The following NTRK2 variants were observed in gnomAD, a reference collection of about 807,000 sequenced individuals.
NTRK2 encodes BDNF/NT-3 growth factors receptor.
Under a neutral mutation model 94.5 loss-of-function variants are expected in NTRK2, and 13 were observed. That is an observed-to-expected ratio of 0.14 (90% confidence interval 0.09 to 0.22). The LOEUF is 0.22. NTRK2 is among the 10% of genes least tolerant of loss of function. The pLI, the probability that NTRK2 is intolerant of heterozygous loss-of-function variation, is 1.00. For synonymous variants in NTRK2, 372 were observed against 407.4 expected, an observed-to-expected ratio of 0.91 and a Z score of 1.05; for missense variants, 639 against 1,071.2, an observed-to-expected ratio of 0.60 and a Z score of 5.63.
At chr9:84,905,220 G>A (rs1286551513) in intron 14 of NTRK2, among the ~76,000 whole-genome samples, 4 of 152,112 alleles carry the variant, frequency 2.6e-5, no homozygotes, top group African/African-American at 9.7e-5. Flanking sequence ...GCAGAGCAAA[G>A]AGCCTTCAAG....
At chr9:84,740,723 T>C (rs2063585599) in intron 9 of NTRK2, among the ~76,000 whole-genome samples, 1 of 152,246 alleles carries the variant, frequency 6.6e-6, no homozygotes, top group Admixed American at 6.5e-5. Context: ...CAGCCATTCA[T>C]TTCATTTTTT....
At chr9:84,909,207 G>A (rs1004851910) in intron 14 of NTRK2, among the ~76,000 whole-genome samples, 11 of 152,070 alleles carry the variant, frequency 7.2e-5, no homozygotes, top group African/African-American at 2.4e-4. Flanking sequence ...ATTACACTCA[G>A]GACAATTTTC....
intron 14 of NTRK2, among the ~76,000 whole-genome samples, chr9:84,897,672 G>A (rs1488520213): frequency 1.3e-5 from 2 of 152,190 alleles, no homozygotes; most frequent in African/African-American, 4.8e-5. Context: ...TAGTGCCTTA[G>A]GACCCAGAAG....
chr9:84,949,371 C>A (rs2078701863), intron 16 of NTRK2, among the ~76,000 whole-genome samples: 1 of 152,132 alleles, frequency 6.6e-6, no homozygotes, highest in South Asian at 2.1e-4. Context: ...AAAATGTTGA[C>A]TATAAAGGGA....
chr9:84,811,715 A>G, intron 12 of NTRK2: 2 of 1,065,604 alleles, frequency 1.9e-6, no homozygotes, highest in Non-Finnish European at 2.3e-6. Context: ...GCAGGTCGCT[A>G]ATGAATATAT....
chr9:84,959,990 T>C (rs1311881934), intron 17 of NTRK2, among the ~76,000 whole-genome samples: 1 of 152,228 alleles, frequency 6.6e-6, no homozygotes, highest in Non-Finnish European at 1.5e-5. Context: ...AATCTTGTTC[T>C]CTCTTGGGCT....
At chr9:84,799,892 A>G (rs1010001808) in intron 12 of NTRK2, among the ~76,000 whole-genome samples, 10 of 152,210 alleles carry the variant, frequency 6.6e-5, no homozygotes, top group African/African-American at 2.4e-4. Context: ...TTCATTACCA[A>G]CGCAAGTCCC....
At chr9:84,850,219 A>C (rs942178267) in intron 12 of NTRK2, among the ~76,000 whole-genome samples, 17 of 152,174 alleles carry the variant, frequency 1.1e-4, no homozygotes, top group South Asian at 8.3e-4. Context: ...GAAAAAAAAA[A>C]CAAAAAAACA....
chr9:84,945,137 G>A (rs1334024424), intron 15 of NTRK2, among the ~76,000 whole-genome samples: 3 of 152,118 alleles, frequency 2.0e-5, no homozygotes, highest in Non-Finnish European at 1.5e-5. Context: ...CCTCAGCCTT[G>A]GAAACAAGTC....
rs3780626 is a variant in NTRK2 at position 84,685,531 on chromosome 9, A to G, written c.212+14571A>G. 1.4e-4 allele frequency among the ~76,000 whole-genome samples: 21 copies of G among 152,224 alleles called. 1 individual carries two copies. In the East Asian group the frequency reaches 3.3e-3, roughly 24 times the overall value. On this transcript the variant is annotated intron_variant, in intron 2 of 18. Coordinates refer to ENST00000277120, the MANE Select transcript of NTRK2 (RefSeq NM_006180.6). ...TTTTAACAAAGATGGCATTACACTT[A>G]TATAGCAAAGGCTGACAACTTCTTA...
chr9:84,873,987 A>G (rs749143908), intron 14 of NTRK2: 24 of 1,063,542 alleles, frequency 2.3e-5, no homozygotes, highest in Non-Finnish European at 2.6e-5. Flanking sequence ...CATATCAGAC[A>G]TTTCAGTCCA....
At position 84,752,022 on chromosome 9, in the gene NTRK2, T is replaced by A. The variant is rs779625097; in HGVS notation, c.1333T>A (p.Phe445Ile). ...GGTGGTGATTGCGTCTGTGGTGGGA[T>A]TTTGCCTTTTGGTAATGCTGTTTCT... The part of the protein sequence containing the change: ...AVVVIASVVG[F>I]CLLVMLFLLK... Residue 445 changes from phenylalanine (F) to isoleucine (I), a missense_variant, in exon 12 of 19, where the codon TTT (phenylalanine) becomes ATT (isoleucine). Coordinates refer to ENST00000277120, the MANE Select transcript of NTRK2 (RefSeq NM_006180.6). 6.2e-7 allele frequency: 1 copy of A among 1,614,074 alleles called. No individual in the cohort carries two copies. The highest frequency in any genetic ancestry group is 8.5e-7 in the Non-Finnish European group (1 of 1,179,954).
intron 12 of NTRK2, among the ~76,000 whole-genome samples, chr9:84,841,683 C>T (rs1176667753): frequency 6.6e-6 from 1 of 152,162 alleles, no homozygotes. Flanking sequence ...GCTAGACTGT[C>T]CCGGTCCCTC....
chr9:84,902,208 T>A lies in NTRK2; in HGVS notation c.1634-31954T>A, dbSNP rs1195721622. 7.3e-5 allele frequency among the ~76,000 whole-genome samples: 11 copies of A among 150,100 alleles called. No individual in the cohort carries two copies. The South Asian group carries it at 1.3e-3, about 17-fold the overall frequency. On this transcript the variant is annotated intron_variant, in intron 14 of 18. Transcript: ENST00000277120. ...GAGATTCTGTCTAAAAAAAAAAAAA[T>A]TAAAAATTAAAAAAAAAAAAGACTG...
At chr9:84,877,847 T>C in intron 14 of NTRK2, 1 of 1,040,284 alleles carries the variant, frequency 9.6e-7, no homozygotes, top group Non-Finnish European at 1.2e-6. Context: ...TGTGATGTAG[T>C]TGATCATTCA....
intron 2 of NTRK2, among the ~76,000 whole-genome samples, chr9:84,683,751 T>C (rs2059536214): frequency 6.6e-6 from 1 of 152,196 alleles, no homozygotes; most frequent in South Asian, 2.1e-4. Context: ...ACTAGATCCT[T>C]GAGGAATCAC....
At chr9:84,907,950 C>A (rs143367458) in intron 14 of NTRK2, among the ~76,000 whole-genome samples, 1 of 152,274 alleles carries the variant, frequency 6.6e-6, no homozygotes, top group Non-Finnish European at 1.5e-5. Flanking sequence ...CAGGAGATGT[C>A]CCCTGAAGAT....
chr9:84,823,087 A>G (rs2072954550), intron 12 of NTRK2, among the ~76,000 whole-genome samples: 1 of 151,976 alleles, frequency 6.6e-6, no homozygotes, highest in Non-Finnish European at 1.5e-5. Flanking sequence ...TTCTACTACA[A>G]TCATTTTTTT....
chr9:84,840,081 T>G (rs927288374), intron 12 of NTRK2, among the ~76,000 whole-genome samples: 2 of 152,080 alleles, frequency 1.3e-5, no homozygotes, highest in African/African-American at 4.8e-5. Flanking sequence ...TAAGACCTTC[T>G]TATTGCTTTT....
Sources: gnomAD v4.1 joint callset for allele counts (sites outside exome capture counted in the v4.1 genomes callset) on GRCh38, gnomAD v4.1.1 for gene constraint, MANE v1.5 for transcripts, NCBI Gene and HGNC (gene_info 2026-07-23, HGNC 2026-07-21) for gene names.